Variants in RANBP2 observed in about 807,000 individuals in gnomAD.
RANBP2 encodes the protein E3 SUMO-protein ligase RanBP2.
In RANBP2, 57 loss-of-function variants were observed where a neutral mutation model predicts 303.6. That is an observed-to-expected ratio of 0.19 (90% confidence interval 0.15 to 0.23). The LOEUF (loss-of-function observed/expected upper bound fraction) is 0.23. Ranked by LOEUF, RANBP2 falls within the 10% of genes least tolerant of loss-of-function variation. The probability of loss-of-function intolerance (pLI) is 1.00; values close to 1 mark genes in which losing one functional copy is unlikely to be tolerated. For missense variants in RANBP2, 3,138 were observed against 3,780.8 expected (o/e 0.83, Z 4.46); for synonymous variants, 1,167 against 1,301.5 (o/e 0.90, Z 2.23).
At chr2:108,910,405 T>C in the RANBP2 span, 1 of 1,450,438 alleles carries the variant, frequency 6.9e-7, no homozygotes, top group Non-Finnish European at 9.7e-7. Context: ...TTCCCCTCCC[T>C]GCTCAGGATC....
the RANBP2 span, among the ~76,000 whole-genome samples, chr2:109,163,752 C>T: frequency 4.6e-5 from 7 of 152,144 alleles, no homozygotes; most frequent in Non-Finnish European, 8.8e-5. Flanking sequence ...TAACTGGAAT[C>T]GCCATCCTGT....
chr2:108,775,919 C>T lies in RANBP2; in HGVS notation c.8480C>T (p.Thr2827Ile), dbSNP rs1481546464. The T allele has an allele frequency of 4.3e-6, 7 of 1,610,370 alleles. No individual in the cohort carries two copies. In the East Asian group the frequency reaches 1.1e-4, roughly 26 times the overall value. ...TTGTCAACTAGAAAGGAAATTGATA[C>T]AGATTCTACAAGCCAAGGTAAATCT... ...VDLSTRKEID[T>I]DSTSQGESKI... The change falls in exon 24 of 29, where the codon ACA (threonine) becomes ATA (isoleucine). Residue 2827 changes from threonine to isoleucine, a missense_variant. This residue lies in a region of RANBP2 where 497 missense variants were observed against 465.8 expected (regional missense o/e 1.07). Transcript: ENST00000283195.
At chr2:108,752,641 A>AAAT (rs1675988820) in intron 12 of RANBP2, among the ~76,000 whole-genome samples, 1 of 146,864 alleles carries the variant, frequency 6.8e-6, no homozygotes, top group Non-Finnish European at 1.5e-5. Flanking sequence ...AAAAAAGAAA[A>AAAT]AATTAGCCGG....
the RANBP2 span, among the ~76,000 whole-genome samples, chr2:109,662,633 A>T: frequency 6.6e-6 from 1 of 150,960 alleles, no homozygotes; most frequent in African/African-American, 2.4e-5. Context: ...CTGGTCTTGA[A>T]CTCCTGACCT....
the RANBP2 span, among the ~76,000 whole-genome samples, chr2:109,186,754 C>G: frequency 8.6e-4 from 131 of 152,262 alleles, no homozygotes; most frequent in African/African-American, 3.0e-3. Context: ...GAGGACTGGG[C>G]AGCATGTGGG....
the RANBP2 span, among the ~76,000 whole-genome samples, chr2:109,594,463 C>T: frequency 6.6e-6 from 1 of 152,150 alleles, no homozygotes; most frequent in Admixed American, 6.6e-5. Flanking sequence ...CTGCTCTGCA[C>T]TGTGGTTTTT....
chr2:109,513,864 A>C, the RANBP2 span, among the ~76,000 whole-genome samples: 7 of 152,066 alleles, frequency 4.6e-5, no homozygotes, highest in African/African-American at 1.7e-4. Context: ...TTCTAACTTC[A>C]GCATCCAACA....
the RANBP2 span, among the ~76,000 whole-genome samples, chr2:109,578,788 A>G: frequency 1.6e-4 from 25 of 152,178 alleles, no homozygotes; most frequent in Non-Finnish European, 3.5e-4. Context: ...AAAAAAAGAA[A>G]TTTACTGAAA....
chr2:109,421,239 G>C, the RANBP2 span, among the ~76,000 whole-genome samples: 1 of 152,234 alleles, frequency 6.6e-6, no homozygotes, highest in Non-Finnish European at 1.5e-5. Context: ...GCAGGATGCA[G>C]GTCAGGTTGC....
the RANBP2 span, among the ~76,000 whole-genome samples, chr2:109,015,118 C>CA: frequency 3.1e-4 from 21 of 68,810 alleles, 2 homozygotes; most frequent in East Asian, 8.8e-4. Context: ...GACTCCATCT[C>CA]AAAAAAAAAA....
the RANBP2 span, among the ~76,000 whole-genome samples, chr2:108,994,109 C>T: frequency 6.6e-6 from 1 of 152,136 alleles, no homozygotes; most frequent in African/African-American, 2.4e-5. Context: ...GACACAGACA[C>T]CCAGACCACA....
At chr2:109,628,533 AATAAATAG>A in the RANBP2 span, among the ~76,000 whole-genome samples, 46 of 150,004 alleles carry the variant, frequency 3.1e-4, no homozygotes, top group Admixed American at 7.3e-4. Flanking sequence ...TAAATAAATA[AATAAATAG>A]ATTCCCACTA....
chr2:109,406,117 A>T, the RANBP2 span, among the ~76,000 whole-genome samples: 1 of 152,114 alleles, frequency 6.6e-6, no homozygotes, highest in Non-Finnish European at 1.5e-5. Flanking sequence ...TTGCACCCCT[A>T]GGGATTCTTC....
At chr2:109,202,995 T>C in the RANBP2 span, among the ~76,000 whole-genome samples, 1 of 152,182 alleles carries the variant, frequency 6.6e-6, no homozygotes, top group South Asian at 2.1e-4. Flanking sequence ...CCTAACAAGG[T>C]AACACTTGGG....
chr2:109,116,888 G>C, the RANBP2 span, among the ~76,000 whole-genome samples: 1 of 152,256 alleles, frequency 6.6e-6, no homozygotes, highest in African/African-American at 2.4e-5. Context: ...GAGTTTGCTA[G>C]AGGTCCACTC....
At chr2:109,628,511 T>C in the RANBP2 span, among the ~76,000 whole-genome samples, 2 of 139,902 alleles carry the variant, frequency 1.4e-5, no homozygotes, top group Non-Finnish European at 3.0e-5. Context: ...AATAAATAAA[T>C]AAATAAATAA....
chr2:108,747,927 G>A (rs1416103560), intron 8 of RANBP2, among the ~76,000 whole-genome samples: 1 of 152,140 alleles, frequency 6.6e-6, no homozygotes, highest in African/African-American at 2.4e-5. Flanking sequence ...ACTCCATGAG[G>A]AATTCCTTAC....
chr2:109,377,158 T>C, the RANBP2 span, among the ~76,000 whole-genome samples: 1 of 152,358 alleles, frequency 6.6e-6, no homozygotes, highest in African/African-American at 2.4e-5. Context: ...ATTGATTGTC[T>C]GTTTCTAATT....
the RANBP2 span, among the ~76,000 whole-genome samples, chr2:109,476,536 A>G: frequency 6.6e-6 from 1 of 152,234 alleles, no homozygotes; most frequent in African/African-American, 2.4e-5. Context: ...CTAGCATGTC[A>G]AAGGCTAAAA....
Sources: allele counts gnomAD v4.1 joint callset (sites outside exome capture counted in the v4.1 genomes callset), GRCh38; gene constraint gnomAD v4.1.1; regional missense constraint gnomAD v4.1.1; transcripts MANE v1.5; gene names NCBI Gene and HGNC (gene_info 2026-07-23, HGNC 2026-07-21).